NIPA2: variants seen among roughly 807,000 people sequenced by gnomAD.
NIPA2 encodes the protein NIPA magnesium transporter 2.
A neutral mutation model predicts 29.7 loss-of-function variants in NIPA2; 11 were observed. The observed-to-expected ratio is 0.37, with a 90% confidence interval of 0.23 to 0.61. The LOEUF is 0.61. Among genes scored for constraint, NIPA2 ranks in the 20% least tolerant of loss-of-function variants. NIPA2 has a pLI of 0.66. For synonymous variants in NIPA2, 183 were observed against 161.9 expected (o/e 1.13, Z -0.99); for missense variants, 426 against 437.9 (o/e 0.97, Z 0.24).
chr15:22,840,052 C>G (rs1179519858), intron 2 of NIPA2, among the ~76,000 whole-genome samples: 2 of 152,134 alleles, frequency 1.3e-5, no homozygotes, highest in Non-Finnish European at 2.9e-5. Context: ...TCCCCAGCAG[C>G]TGGGACCACA....
At chr15:22,843,657 CTT>C (rs75439328) in intron 2 of NIPA2, among the ~76,000 whole-genome samples, 4 of 146,466 alleles carry the variant, frequency 2.7e-5, no homozygotes, top group Admixed American at 6.8e-5. Flanking sequence ...CAATTTTTTC[CTT>C]TTTTTTTTTG....
chr15:22,852,707 C>T (rs1015240280), intron 4 of NIPA2, among the ~76,000 whole-genome samples: 2 of 152,158 alleles, frequency 1.3e-5, no homozygotes, highest in African/African-American at 4.8e-5. Flanking sequence ...CCTGCCCTGA[C>T]TCCTCTATCA....
chr15:22,855,781 G>C (rs530802233), intron 5 of NIPA2, among the ~76,000 whole-genome samples: 1 of 152,240 alleles, frequency 6.6e-6, no homozygotes, highest in Non-Finnish European at 1.5e-5. Flanking sequence ...CGAGTGATCT[G>C]CCCATATGAT....
chr15:22,845,697 G>A (rs1023267108), intron 3 of NIPA2, among the ~76,000 whole-genome samples: 1 of 152,030 alleles, frequency 6.6e-6, no homozygotes, highest in Non-Finnish European at 1.5e-5. Context: ...AGGAGGAGGA[G>A]GGGAGGGCCT....
intron 7 of NIPA2, among the ~76,000 whole-genome samples, chr15:22,862,066 A>ATTTTTTTTTT (rs2058667436): frequency 1.0e-4 from 1 of 9,566 alleles, no homozygotes; most frequent in Non-Finnish European, 2.2e-4. Flanking sequence ...TTTTTTTTTG[A>ATTTTTTTTTT]GACAGAGTTT....
rs1484510044 is a variant in NIPA2 at position 22,867,719 on chromosome 15, G to T, written c.*872G>T. On this transcript the variant is annotated 3_prime_UTR_variant, in exon 8 of 8. Transcript: ENST00000337451. ...TCATGTTATAATAAAAAGTTGAAAT[G>T]AAGTTCTTATTCTAAAAGTCTGAAT... 2.0e-5 allele frequency: 3 copies of T among 152,236 alleles called. No individual in the cohort carries two copies. Among genetic ancestry groups the T allele is most frequent in the Non-Finnish European group, 4.4e-5 (3 of 68,092 alleles). 9.4% of individuals were successfully genotyped at this position (152,236 alleles called of 1,614,324 possible). A position where few individuals can be genotyped will look rare whatever the true frequency, so the allele number is the denominator to read the frequency against.
Position 22,855,468 on chromosome 15 carries a change from A to G in NIPA2, c.196+2200A>G, listed in dbSNP as rs923834693. 8.5e-5 allele frequency among the ~76,000 whole-genome samples: 13 copies of G among 152,128 alleles called. No individual in the cohort carries two copies. In the East Asian group the frequency reaches 1.5e-3, roughly 18 times the overall value. ...TGAGCCTTGACTGACTGTTCAGTCA[A>G]CAAATACTTATTGATCATGTCTTGT... On this transcript the variant is annotated intron_variant, in intron 5 of 7. Transcript: ENST00000337451.
chr15:22,860,299 C>T (rs543652943), intron 6 of NIPA2, among the ~76,000 whole-genome samples: 1 of 152,198 alleles, frequency 6.6e-6, no homozygotes, highest in East Asian at 1.9e-4. Context: ...GGATTACAGG[C>T]GTGAGGCACT....
chr15:22,859,280 ATTTCTT>A (rs1246667437), intron 6 of NIPA2, among the ~76,000 whole-genome samples: 4 of 146,634 alleles, frequency 2.7e-5, no homozygotes, highest in African/African-American at 1.0e-4. Context: ...TAATGAGTAG[ATTTCTT>A]TTTCTTTTTT....
chr15:22,858,145 G>A (rs762342393), intron 5 of NIPA2, among the ~76,000 whole-genome samples: 2 of 152,166 alleles, frequency 1.3e-5, no homozygotes, highest in African/African-American at 4.8e-5. Flanking sequence ...TGTAATCCCA[G>A]CACTTTGGGA....
Position 22,866,916 on chromosome 15 carries a change from GA to G in NIPA2, c.*75del, listed in dbSNP as rs149900343. 1.5e-6 allele frequency: 2 copies of G among 1,373,022 alleles called. No individual in the cohort carries two copies. The highest frequency in any genetic ancestry group is 9.8e-7 in the Non-Finnish European group (1 of 1,015,466). 85.1% of individuals were successfully genotyped at this position (1,373,022 alleles called of 1,614,324 possible). On this transcript the variant is annotated 3_prime_UTR_variant, in exon 8 of 8. Transcript: ENST00000337451. ...ATTTGAATATCATCAGAATGTGTCTGAAAAAACATTGTCCTCAAATAATGTT... is the reference window on the plus strand; with the variant it reads ...ATTTGAATATCATCAGAATGTGTCTGAAAAACATTGTCCTCAAATAATGTT...
At chr15:22,854,832 GTCTT>G (rs747170439) in intron 5 of NIPA2, among the ~76,000 whole-genome samples, 12 of 152,122 alleles carry the variant, frequency 7.9e-5, no homozygotes, top group Non-Finnish European at 1.6e-4. Flanking sequence ...AGGTATTCAA[GTCTT>G]TCTATTTGTC....
rs966212785 is a variant in NIPA2 at position 22,866,596 on chromosome 15, G to C, written c.832G>C (p.Asp278His). ...GGAGTGGCAAGATATGCCTGTTGAC[G>C]ATGTCATTGGTACTTTGAGTGGCTT... ...FKEWQDMPVD[D>H]VIGTLSGFFT... Residue 278 changes from aspartate (D) to histidine (H), a missense_variant, in exon 8 of 8, where the codon GAT becomes CAT. Coordinates refer to ENST00000337451, the MANE Select transcript of NIPA2 (RefSeq NM_030922.7). 2 of 1,614,110 alleles carry C rather than the reference G, an allele frequency of 1.2e-6. No homozygotes were observed. Among genetic ancestry groups the C allele is most frequent in the Admixed American group, 1.7e-5 (1 of 60,026 alleles).
In NIPA2 at chr15:22,845,191, G is replaced by C. The variant is rs1898265930; in HGVS notation, c.-170G>C. On this transcript the variant is annotated 5_prime_UTR_variant, in exon 3 of 8. Transcript: ENST00000337451. Reference sequence around the variant, plus strand: ...CCTTCAGTTACAGAGAGAGGGAGCAGAGTGGGACCAGGTCTGAGAATAGTG... The same window carrying C: ...CCTTCAGTTACAGAGAGAGGGAGCACAGTGGGACCAGGTCTGAGAATAGTG... 1 of 152,218 alleles carries C rather than the reference G, an allele frequency of 6.6e-6. No individual in the cohort carries two copies. Among genetic ancestry groups the C allele is most frequent in the Admixed American group, 6.5e-5 (1 of 15,270 alleles). The allele number at this position is 152,218 out of a possible 1,614,324, so 9.4% of individuals were successfully genotyped here.
intron 3 of NIPA2, 21 bp from the exon 4 acceptor site, chr15:22,851,618 A>G (rs2057749567): frequency 2.4e-6 from 2 of 827,454 alleles, no homozygotes; most frequent in Non-Finnish European, 3.6e-6. Context: ...TGAAAACCAC[A>G]TTTCATTTTT....
At chr15:22,853,664 C>T (rs2057952276) in intron 5 of NIPA2, among the ~76,000 whole-genome samples, 1 of 152,076 alleles carries the variant, frequency 6.6e-6, no homozygotes, top group Admixed American at 6.5e-5. Context: ...GCGTGAGCCA[C>T]CGCACCCGGC....
At chr15:22,848,045 AC>A (rs1275082750) in intron 3 of NIPA2, among the ~76,000 whole-genome samples, 3 of 151,666 alleles carry the variant, frequency 2.0e-5, no homozygotes, top group Non-Finnish European at 4.4e-5. Context: ...TGATCCGCCC[AC>A]CTCGGCCTCC....
chr15:22,843,452 G>GC (rs1373306936), intron 2 of NIPA2, among the ~76,000 whole-genome samples: 2 of 150,510 alleles, frequency 1.3e-5, no homozygotes, highest in Non-Finnish European at 3.0e-5. Flanking sequence ...CTTGCAGTGA[G>GC]CCGAGATAGC....
At chr15:22,865,010 T>C (rs1025075817) in intron 7 of NIPA2, among the ~76,000 whole-genome samples, 9 of 151,884 alleles carry the variant, frequency 5.9e-5, no homozygotes, top group Non-Finnish European at 2.9e-5. Flanking sequence ...TACAGGTGTC[T>C]GCCACCACGC....
Sources: gnomAD v4.1 joint callset for allele counts (sites outside exome capture counted in the v4.1 genomes callset) on GRCh38, gnomAD v4.1.1 for gene constraint, MANE v1.5 for transcripts, NCBI Gene and HGNC (gene_info 2026-07-23, HGNC 2026-07-21) for gene names.